Variants in SAMD8 observed in about 807,000 individuals in gnomAD.
SAMD8 encodes the protein sterile alpha motif domain containing 8.
SAMD8 carries 20 observed loss-of-function variants against 42.0 expected under a neutral mutation model. The observed-to-expected ratio is 0.48, with a 90% confidence interval of 0.34 to 0.69. SAMD8 has a LOEUF of 0.69. Among genes scored for constraint, SAMD8 ranks in the 30% least tolerant of loss-of-function variants. The probability of loss-of-function intolerance (pLI) is 0.01; values close to 1 mark genes in which losing one functional copy is unlikely to be tolerated. For missense variants in SAMD8, 328 were observed against 511.6 expected, an observed-to-expected ratio of 0.64 and a Z score of 3.46; for synonymous variants, 162 against 173.0, an observed-to-expected ratio of 0.94 and a Z score of 0.50.
chr10:75,163,281 G>T (rs2132194736), intron 2 of SAMD8, among the ~76,000 whole-genome samples: 1 of 152,168 alleles, frequency 6.6e-6, no homozygotes, highest in South Asian at 2.1e-4. Context: ...ACATGTCATT[G>T]TAGAAAAGTT....
At chr10:75,127,847 C>A (rs896387180) in intron 1 of SAMD8, among the ~76,000 whole-genome samples, 1 of 152,200 alleles carries the variant, frequency 6.6e-6, no homozygotes, top group African/African-American at 2.4e-5. Context: ...TAAGGAACAA[C>A]ATGTACTTTT....
At chr10:75,115,327 C>T (rs1467526751) in intron 1 of SAMD8, among the ~76,000 whole-genome samples, 1 of 152,150 alleles carries the variant, frequency 6.6e-6, no homozygotes, top group Non-Finnish European at 1.5e-5. Context: ...ATCATCAGGA[C>T]AGTGATGCTT....
chr10:75,142,634 A>G (rs887411754), intron 1 of SAMD8, among the ~76,000 whole-genome samples: 10 of 151,744 alleles, frequency 6.6e-5, no homozygotes, highest in African/African-American at 2.4e-4. Flanking sequence ...ACGGGGTTTC[A>G]CCATGTTGGC....
At chr10:75,109,105 C>A, upstream of SAMD8, 1 of 1,612,126 alleles carries the variant, frequency 6.2e-7, no homozygotes, top group Middle Eastern at 1.7e-4. Flanking sequence ...GATGCTGGGG[C>A]AAGGCGTGGC....
chr10:75,140,816 G>A (rs1365100955), intron 1 of SAMD8, among the ~76,000 whole-genome samples: 1 of 152,172 alleles, frequency 6.6e-6, no homozygotes, highest in African/African-American at 2.4e-5. Context: ...TTGGAATTGG[G>A]TTGAATGTGC....
upstream of SAMD8, chr10:75,109,050 G>C (rs753821323): frequency 3.3e-5 from 53 of 1,611,572 alleles, no homozygotes; most frequent in Non-Finnish European, 4.2e-5. Context: ...CGTCCACACG[G>C]CTGCAAGAAG....
intron 1 of SAMD8, chr10:75,104,193 C>A: frequency 3.6e-6 from 3 of 836,554 alleles, no homozygotes; most frequent in Non-Finnish European, 5.0e-6. Flanking sequence ...TCACCTAAAC[C>A]TGCTTCTGCC....
In SAMD8 at chr10:75,176,366, G is replaced by A. The variant is rs1158281520; in HGVS notation, c.944-22G>A. On this transcript the variant is annotated intron_variant, in intron 5 of 5. Transcript: ENST00000542569. The surrounding 1 kb of genome is among the most constrained non-coding windows in gnomAD (Gnocchi z 4.3). ...ATTGGAAGGAATGTAGCTTTAAAAT[G>A]ATCTTTCTGTCCTTTTCCTAGATAC... 8 of 1,571,272 alleles carry A rather than the reference G, an allele frequency of 5.1e-6. No homozygotes were observed. Among genetic ancestry groups the A allele is most frequent in the African/African-American group, 1.4e-5 (1 of 73,354 alleles).
At chr10:75,153,212 C>G (rs976208606) in intron 2 of SAMD8, among the ~76,000 whole-genome samples, 1 of 151,874 alleles carries the variant, frequency 6.6e-6, no homozygotes, top group Non-Finnish European at 1.5e-5. Flanking sequence ...GAACTCCTGA[C>G]CTCAAATGAT....
upstream of SAMD8, chr10:75,111,617 G>A (rs567707624): frequency 8.0e-7 from 1 of 1,248,106 alleles, no homozygotes; most frequent in Non-Finnish European, 1.0e-6. Context: ...CGCCCCCGCC[G>A]CTTGAGGCGC....
intron 4 of SAMD8, among the ~76,000 whole-genome samples, chr10:75,174,910 C>A (rs1051484826): frequency 6.6e-6 from 1 of 152,102 alleles, no homozygotes; most frequent in African/African-American, 2.4e-5. Flanking sequence ...GGTTTATTCT[C>A]TCTCAAAAAA....
chr10:75,150,200 C>T (rs1191099239), intron 1 of SAMD8: 2 of 152,358 alleles, frequency 1.3e-5, no homozygotes, highest in African/African-American at 2.4e-5. Context: ...CAGCTTTGAC[C>T]TCCCAGACTC....
upstream of SAMD8, chr10:75,107,903 G>T: frequency 2.1e-6 from 3 of 1,405,106 alleles, no homozygotes; most frequent in Non-Finnish European, 1.9e-6. Flanking sequence ...AAAAAGCAGG[G>T]ATGGGAGGGC....
At chr10:75,160,484 G>A (rs901539028) in intron 2 of SAMD8, among the ~76,000 whole-genome samples, 7 of 152,086 alleles carry the variant, frequency 4.6e-5, no homozygotes, top group African/African-American at 1.7e-4. Flanking sequence ...GGGATTACAG[G>A]CGTGAGCCAC....
chr10:75,126,112 A>G (rs1849125429), intron 1 of SAMD8, among the ~76,000 whole-genome samples: 1 of 151,876 alleles, frequency 6.6e-6, no homozygotes, highest in African/African-American at 2.4e-5. Flanking sequence ...TTATTGATCT[A>G]TTTATTTATT....
At chr10:75,158,168 AAG>A (rs1327955508) in intron 2 of SAMD8, among the ~76,000 whole-genome samples, 1 of 152,088 alleles carries the variant, frequency 6.6e-6, no homozygotes, top group East Asian at 1.9e-4. Context: ...TCAAAAAAAA[AAG>A]AAAAAAAGAA....
chr10:75,111,921 G>A (rs1030271733), intron 1 of SAMD8, 199 bp downstream of exon 1: 2 of 602,916 alleles, frequency 3.3e-6, no homozygotes, highest in Non-Finnish European at 4.8e-6. Context: ...CTGAGGGCCT[G>A]AAGGCTGAGG....
chr10:75,115,035 A>G (rs1848844478), intron 1 of SAMD8, among the ~76,000 whole-genome samples: 1 of 152,232 alleles, frequency 6.6e-6, no homozygotes, highest in African/African-American at 2.4e-5. Context: ...GAGGAGGACT[A>G]TACTATTTCA....
chr10:75,150,092 C>CTA (rs1480275256), intron 1 of SAMD8, among the ~76,000 whole-genome samples: 2 of 149,266 alleles, frequency 1.3e-5, no homozygotes, highest in African/African-American at 5.0e-5. Flanking sequence ...CTCTCTCTCT[C>CTA]TACATATATA....
Sources: allele counts gnomAD v4.1 joint callset (sites outside exome capture counted in the v4.1 genomes callset), GRCh38; gene constraint gnomAD v4.1.1; non-coding constraint Gnocchi (gnomAD v3.1); transcripts MANE v1.5; gene names NCBI Gene and HGNC (gene_info 2026-07-23, HGNC 2026-07-21).